Variants in MACROD2 observed in about 807,000 individuals in gnomAD.
MACROD2 encodes mono-ADP ribosylhydrolase 2, also known as ADP-ribose glycohydrolase MACROD2.
MACROD2 carries 36 observed loss-of-function variants against 70.4 expected under a neutral mutation model. That is an observed-to-expected ratio of 0.51 (90% CI 0.39 to 0.68). MACROD2 has a LOEUF of 0.68. Ranked by LOEUF, MACROD2 falls within the 30% of genes least tolerant of loss-of-function variation. The pLI is 0.00. For synonymous variants in MACROD2, 172 were observed against 178.8 expected, an observed-to-expected ratio of 0.96 and a Z score of 0.30; for missense variants, 496 against 538.4, an observed-to-expected ratio of 0.92 and a Z score of 0.78.
chr20:14,567,323 T>A (rs1258723672), intron 4 of MACROD2, among the ~76,000 whole-genome samples: 1 of 152,028 alleles, frequency 6.6e-6, no homozygotes, highest in African/African-American at 2.4e-5. Flanking sequence ...TTAAAAAGAA[T>A]GAGCTAGATC....
chr20:14,938,784 A>AAAAC (rs1367912470), intron 5 of MACROD2, among the ~76,000 whole-genome samples: 3 of 152,140 alleles, frequency 2.0e-5, no homozygotes, highest in Middle Eastern at 6.8e-3. Flanking sequence ...AAAACAAAAC[A>AAAAC]AAACAAAACC....
intron 3 of MACROD2, among the ~76,000 whole-genome samples, chr20:14,235,503 CT>C (rs1377147127): frequency 6.6e-6 from 1 of 152,126 alleles, no homozygotes; most frequent in African/African-American, 2.4e-5. Flanking sequence ...GCTATGTTAC[CT>C]CTCATCTTAA....
At chr20:14,779,313 C>T (rs77289232) in intron 5 of MACROD2, among the ~76,000 whole-genome samples, 1,652 of 152,242 alleles carry the variant, frequency 0.011, 28 homozygotes, top group African/African-American at 0.038. Flanking sequence ...AGATTTTCTT[C>T]TCTCTTCTTA....
chr20:15,071,312 C>T (rs2075617659), intron 5 of MACROD2, among the ~76,000 whole-genome samples: 1 of 152,182 alleles, frequency 6.6e-6, no homozygotes, highest in Admixed American at 6.5e-5. Context: ...AAGCAGATGG[C>T]ATTTTAAGCC....
chr20:15,873,513 A>G (rs2064616327), intron 9 of MACROD2, among the ~76,000 whole-genome samples: 1 of 152,010 alleles, frequency 6.6e-6, no homozygotes. Flanking sequence ...GTACATTTTT[A>G]TTTCATCTTT....
intron 4 of MACROD2, among the ~76,000 whole-genome samples, chr20:14,548,699 C>T (rs1197658042): frequency 1.0e-4 from 1 of 10,020 alleles, no homozygotes; most frequent in African/African-American, 2.2e-4. Flanking sequence ...GCCTGGGCGA[C>T]AGAGTGAGAC....
At chr20:15,593,832 G>T (rs1311536990) in intron 8 of MACROD2, among the ~76,000 whole-genome samples, 1 of 152,168 alleles carries the variant, frequency 6.6e-6, no homozygotes, top group Non-Finnish European at 1.5e-5. Context: ...CAGCTTGTTT[G>T]TACCACACAC....
intron 15 of MACROD2, among the ~76,000 whole-genome samples, chr20:15,994,639 TAA>T (rs2066603080): frequency 1.3e-5 from 2 of 152,228 alleles, no homozygotes; most frequent in African/African-American, 2.4e-5. Flanking sequence ...ATAAAGAATT[TAA>T]AACTCATTGG....
At chr20:14,100,735 A>G (rs2054289990) in intron 3 of MACROD2, among the ~76,000 whole-genome samples, 1 of 135,780 alleles carries the variant, frequency 7.4e-6, no homozygotes, top group African/African-American at 2.7e-5. Context: ...TATAATATAT[A>G]TAAATATAAT....
chr20:14,147,635 T>G (rs1475988334), intron 3 of MACROD2, among the ~76,000 whole-genome samples: 1 of 152,182 alleles, frequency 6.6e-6, no homozygotes, highest in Non-Finnish European at 1.5e-5. Context: ...TGGCATCCAT[T>G]ATAAAATATG....
intron 4 of MACROD2, among the ~76,000 whole-genome samples, chr20:14,533,471 A>G (rs1450593407): frequency 1.3e-5 from 2 of 152,258 alleles, no homozygotes; most frequent in African/African-American, 2.4e-5. Flanking sequence ...ATTCTCAAAA[A>G]TGTTTAGGAA....
chr20:15,215,096 G>A (rs175267), intron 5 of MACROD2, among the ~76,000 whole-genome samples: 26,581 of 152,034 alleles, frequency 0.17, 2,500 homozygotes, highest in African/African-American at 0.24. Flanking sequence ...GTAAATCCAT[G>A]TTTATTTAAA....
intron 10 of MACROD2, among the ~76,000 whole-genome samples, chr20:15,907,837 CCT>C (rs1324433249): frequency 6.6e-6 from 1 of 152,150 alleles, no homozygotes; most frequent in Non-Finnish European, 1.5e-5. Flanking sequence ...TGCTCAGTTG[CCT>C]CTGTTTGTCT....
At chr20:15,886,094 G>A (rs1461383156) in intron 10 of MACROD2, among the ~76,000 whole-genome samples, 2 of 152,124 alleles carry the variant, frequency 1.3e-5, no homozygotes, top group African/African-American at 4.8e-5. Context: ...AAAACTTAGA[G>A]TAAGCTGAAA....
At chr20:15,414,202 A>T (rs193278948) in intron 6 of MACROD2, among the ~76,000 whole-genome samples, 1 of 152,310 alleles carries the variant, frequency 6.6e-6, no homozygotes, top group East Asian at 1.9e-4. Flanking sequence ...CAGTACAGGG[A>T]TCAGAATTGT....
chr20:15,539,885 G>A (rs371696785), intron 8 of MACROD2, among the ~76,000 whole-genome samples: 54 of 152,342 alleles, frequency 3.5e-4, no homozygotes, highest in African/African-American at 1.3e-3. Context: ...CTACTTGGGA[G>A]ACTGAGGCAG....
intron 4 of MACROD2, among the ~76,000 whole-genome samples, chr20:14,675,876 CA>C (rs528764301): frequency 6.7e-6 from 1 of 149,828 alleles, no homozygotes; most frequent in Non-Finnish European, 1.5e-5. Flanking sequence ...AATGGAAAGC[CA>C]AAAAAAAGCA....
rs569057398 is a variant in MACROD2, at chr20:14,273,152, C to T, written c.271+187424C>T. On this transcript the variant is annotated intron_variant, in intron 3 of 17. Transcript: ENST00000684519. The stretch of plus-strand genomic sequence containing the variant: ...CTCTGCACCAAGCGGATCTAATAGA[C>T]ATCTACAGAACTCTCCACCCCAAAT... Among the ~76,000 whole-genome samples, 763 of 152,296 alleles carry T rather than the reference C, an allele frequency of 5.0e-3. 3 individuals are homozygous for T. Among genetic ancestry groups the T allele is most frequent in the Non-Finnish European group, 7.5e-3 (509 of 68,036 alleles).
intron 2 of MACROD2, among the ~76,000 whole-genome samples, chr20:14,066,741 C>A (rs1244043311): frequency 1.3e-5 from 2 of 151,964 alleles, no homozygotes; most frequent in Admixed American, 1.3e-4. Context: ...AAGCTCTTAA[C>A]CGACAGGCTG....
Sources: gnomAD v4.1 joint callset for allele counts (sites outside exome capture counted in the v4.1 genomes callset) on GRCh38, gnomAD v4.1.1 for gene constraint, MANE v1.5 for transcripts, NCBI Gene and HGNC (gene_info 2026-07-23, HGNC 2026-07-21) for gene names.